Variants in SHISA6 observed in about 807,000 individuals in gnomAD.
The protein encoded by SHISA6 is protein shisa-6.
Under a neutral mutation model 47.9 loss-of-function variants are expected in SHISA6, and 22 were observed. The ratio of observed to expected loss-of-function variants is 0.46; its 90% CI spans 0.33 to 0.66. The LOEUF is 0.66. Among genes scored for constraint, SHISA6 ranks in the 30% least tolerant of loss-of-function variants. The pLI is 0.02. For synonymous variants in SHISA6, 388 were observed against 337.8 expected, an observed-to-expected ratio of 1.15 and a Z score of -1.63; for missense variants, 680 against 764.6, an observed-to-expected ratio of 0.89 and a Z score of 1.30.
chr17:11,332,969 T>C lies in SHISA6; in HGVS notation c.800-46445T>C, dbSNP rs893661684. On this transcript the variant is annotated intron_variant, in intron 2 of 5. Transcript: ENST00000441885. Reference sequence around the variant, plus strand: ...GCATCTAGAGAAGTCTGTGTCCAGATGAGATGGTGATCCAGGAGCCTGCAG... The same window carrying C: ...GCATCTAGAGAAGTCTGTGTCCAGACGAGATGGTGATCCAGGAGCCTGCAG... Among the ~76,000 whole-genome samples the C allele has an allele frequency of 5.9e-5, 9 of 152,156 alleles. No individual in the cohort carries two copies. The East Asian group carries it at 1.2e-3, about 20-fold the overall frequency.
rs1034253671 is a variant in SHISA6 at position 11,336,372 on chromosome 17, G to A, written c.800-43042G>A. Among the ~76,000 whole-genome samples, 5 of 152,010 alleles carry A rather than the reference G, an allele frequency of 3.3e-5. No homozygotes were observed. In the East Asian group the frequency reaches 7.7e-4, roughly 24 times the overall value. ...GGGTGCTGGGAGCTTAAAGGGGAAC[G>A]TGGTAAGCTATTATGGGGGCAGAGA... On this transcript the variant is annotated intron_variant, in intron 2 of 5. Coordinates refer to ENST00000441885, the MANE Select transcript of SHISA6 (RefSeq NM_207386.4).
At chr17:11,432,559 G>A (rs1221846973) in intron 3 of SHISA6, among the ~76,000 whole-genome samples, 1 of 152,166 alleles carries the variant, frequency 6.6e-6, no homozygotes, top group Non-Finnish European at 1.5e-5. Context: ...AACTGACCCT[G>A]CCTAACTTAA....
chr17:11,286,013 T>C (rs1300785278), intron 2 of SHISA6, among the ~76,000 whole-genome samples: 2 of 152,094 alleles, frequency 1.3e-5, no homozygotes, highest in African/African-American at 4.8e-5. Context: ...ATATTTTGTA[T>C]TTTTAGTAGA....
chr17:11,386,706 G>A (rs1045400021), intron 3 of SHISA6, among the ~76,000 whole-genome samples: 2 of 152,212 alleles, frequency 1.3e-5, no homozygotes, highest in African/African-American at 2.4e-5. Context: ...CAGCTCAGGC[G>A]GGGCGCTGGC....
At chr17:11,415,320 C>A (rs1196747856) in intron 3 of SHISA6, among the ~76,000 whole-genome samples, 1 of 152,106 alleles carries the variant, frequency 6.6e-6, no homozygotes, top group African/African-American at 2.4e-5. Context: ...AATCAGTACT[C>A]AAATTCACCT....
At chr17:11,317,232 T>C (rs1910553566) in intron 2 of SHISA6, among the ~76,000 whole-genome samples, 1 of 152,126 alleles carries the variant, frequency 6.6e-6, no homozygotes, top group Non-Finnish European at 1.5e-5. Context: ...TGTCAAACTC[T>C]CTTTTATTTC....
At chr17:11,394,220 G>T (rs1219831527) in intron 3 of SHISA6, among the ~76,000 whole-genome samples, 2 of 152,174 alleles carry the variant, frequency 1.3e-5, no homozygotes, top group African/African-American at 4.8e-5. Flanking sequence ...ATGGATGGAT[G>T]GATAAATTGA....
intron 2 of SHISA6, among the ~76,000 whole-genome samples, chr17:11,337,928 C>T (rs906457976): frequency 2.6e-5 from 4 of 152,132 alleles, no homozygotes; most frequent in Non-Finnish European, 4.4e-5. Context: ...TACTTGTTAC[C>T]ACTGTGGCTG....
At chr17:11,408,845 C>T (rs1914035923) in intron 3 of SHISA6, among the ~76,000 whole-genome samples, 1 of 152,172 alleles carries the variant, frequency 6.6e-6, no homozygotes, top group Admixed American at 6.5e-5. Context: ...GATATTAAAA[C>T]TGTGAAACTT....
At chr17:11,469,018 CAAAAAAAAAAAAAAAAAAAA>C (rs61191316) in intron 3 of SHISA6, among the ~76,000 whole-genome samples, 2 of 46,068 alleles carry the variant, frequency 4.3e-5, no homozygotes, top group Admixed American at 3.5e-4. Context: ...GACTCCGTCT[CAAAAAAAAAAAAAAAAAAAA>C]AAAAAAAAAG....
At chr17:11,351,142 G>T (rs987045155) in intron 2 of SHISA6, among the ~76,000 whole-genome samples, 1 of 151,994 alleles carries the variant, frequency 6.6e-6, no homozygotes, top group Non-Finnish European at 1.5e-5. Flanking sequence ...GGCCTGTTGG[G>T]GGGTGGGGAA....
chr17:11,511,260 C>A (rs1486647944), intron 3 of SHISA6, among the ~76,000 whole-genome samples: 8 of 151,924 alleles, frequency 5.3e-5, no homozygotes, highest in African/African-American at 1.9e-4. Flanking sequence ...ACAGGGAGGG[C>A]AGCATCACAC....
intron 2 of SHISA6, among the ~76,000 whole-genome samples, chr17:11,374,602 T>G (rs1486346957): frequency 1.3e-5 from 2 of 152,094 alleles, no homozygotes; most frequent in East Asian, 3.8e-4. Flanking sequence ...TGAAGAAAGC[T>G]TTTCTATTCT....
intron 3 of SHISA6, among the ~76,000 whole-genome samples, chr17:11,443,164 C>T (rs1036077102): frequency 1.3e-5 from 2 of 152,154 alleles, no homozygotes; most frequent in East Asian, 1.9e-4. Flanking sequence ...TCAGGAGTCT[C>T]GAAGGACACC....
Position 11,463,073 on chromosome 17 carries a change from C to A in SHISA6, c.895+83564C>A, listed in dbSNP as rs1437742716. ...CCTAGATGCAGAGCACAGTGTTATT[C>A]ACATTTTCAAAGGATTATCCAGGAA... is the stretch of plus-strand genomic sequence containing the variant. On this transcript the variant is annotated intron_variant, in intron 3 of 5. Transcript: ENST00000441885. Among the ~76,000 whole-genome samples, 3 of 152,186 alleles carry A rather than the reference C, an allele frequency of 2.0e-5. No individual in the cohort carries two copies. The East Asian group carries it at 5.8e-4, about 29-fold the overall frequency.
intron 2 of SHISA6, among the ~76,000 whole-genome samples, chr17:11,351,146 T>G (rs1597470952): frequency 1.3e-5 from 2 of 149,758 alleles, no homozygotes; most frequent in Admixed American, 6.7e-5. Context: ...TGTTGGGGGG[T>G]GGGGAACAAG....
intron 3 of SHISA6, among the ~76,000 whole-genome samples, chr17:11,398,164 G>T (rs1157843368): frequency 6.6e-6 from 1 of 151,922 alleles, no homozygotes; most frequent in Non-Finnish European, 1.5e-5. Context: ...GTTTGGATTT[G>T]GAGTCTCATT....
rs531035054 is a variant in SHISA6, at chr17:11,437,754, T to G, written c.895+58245T>G. On this transcript the variant is annotated intron_variant, in intron 3 of 5. Coordinates refer to ENST00000441885, the MANE Select transcript of SHISA6 (RefSeq NM_207386.4). ...CCATGTGTTTCTCTGACTCATTTTC[T>G]TATTCCATTGCATGTGTCCCAATGC... 3.9e-5 allele frequency among the ~76,000 whole-genome samples: 6 copies of G among 152,360 alleles called. No individual in the cohort carries two copies. In the South Asian group the frequency reaches 8.3e-4, roughly 21 times the overall value.
intron 2 of SHISA6, among the ~76,000 whole-genome samples, chr17:11,339,167 A>G (rs898624695): frequency 2.1e-5 from 3 of 145,606 alleles, no homozygotes; most frequent in Middle Eastern, 3.5e-3. Context: ...AGTATGATTA[A>G]AAAAAAAAAA....
Sources: allele counts gnomAD v4.1 joint callset (sites outside exome capture counted in the v4.1 genomes callset), GRCh38; gene constraint gnomAD v4.1.1; transcripts MANE v1.5; gene names NCBI Gene and HGNC (gene_info 2026-07-23, HGNC 2026-07-21).